The following MED16 variants were observed in gnomAD, a reference collection of about 807,000 sequenced individuals.
MED16 encodes the protein mediator of RNA polymerase II transcription subunit 16.
MED16 carries 81 observed loss-of-function variants against 84.4 expected under a neutral mutation model. The observed-to-expected ratio is 0.96, with a 90% CI of 0.80 to 1.15. The LOEUF (loss-of-function observed/expected upper bound fraction) is 1.15, where lower values mean the gene tolerates loss of function less well. MED16 is among the 50% of genes most tolerant of loss of function. The pLI, the probability that MED16 is intolerant of heterozygous loss-of-function variation, is 0.00. For synonymous variants in MED16, 897 were observed against 552.2 expected, an observed-to-expected ratio of 1.62 and a Z score of -8.76; for missense variants, 1,585 against 1,245.9, an observed-to-expected ratio of 1.27 and a Z score of -4.10.
chr19:868,713 C>T, intron 14 of MED16, 150 bp downstream of exon 14: 1 of 1,071,134 alleles, frequency 9.3e-7, no homozygotes, highest in Non-Finnish European at 1.3e-6. Flanking sequence ...TTAACTGCTC[C>T]ACATCCTGGG....
intron 9 of MED16, among the ~76,000 whole-genome samples, chr19:876,091 C>G (rs927711934): frequency 6.6e-6 from 1 of 152,200 alleles, no homozygotes; most frequent in Non-Finnish European, 1.5e-5. Flanking sequence ...TCGCAGCCCC[C>G]GCCTGGGTCT....
intron 7 of MED16, among the ~76,000 whole-genome samples, chr19:881,090 G>A (rs947369267): frequency 8.5e-5 from 13 of 152,214 alleles, no homozygotes; most frequent in South Asian, 4.1e-4. Context: ...AGGGAAGAAC[G>A]GGAGCTGGGG....
chr19:886,325 T>C (rs2036526838), intron 4 of MED16, 124 bp from the exon 5 acceptor site: 1 of 844,714 alleles, frequency 1.2e-6, no homozygotes, highest in Non-Finnish European at 1.7e-6. Flanking sequence ...TGGGTTCAGA[T>C]CCTGACTCGG....
Position 889,727 on chromosome 19 carries a change from T to G in MED16, c.358A>C (p.Ser120Arg). 1 of 1,613,662 alleles carries G rather than the reference T, an allele frequency of 6.2e-7. No homozygotes were observed. Among genetic ancestry groups the G allele is most frequent in the South Asian group, 1.1e-5 (1 of 91,032 alleles). ...MADHLANSWE[S>R]SVGSLVEGDP... ...CCCTCCACTAGGCTGCCCACTGAGC[T>G]CTCCCAGCTATTAGCCAGGTGGTCC... Residue 120 changes from serine (S) to arginine (R), a missense_variant, in exon 4 of 16, where the codon AGC (serine) becomes CGC (arginine). Transcript: ENST00000325464.
At chr19:887,559 G>A (rs376107227) in intron 4 of MED16, among the ~76,000 whole-genome samples, 15 of 151,568 alleles carry the variant, frequency 9.9e-5, no homozygotes, top group Admixed American at 2.6e-4. Flanking sequence ...CCAGCTACTC[G>A]GGAGGCTGAG....
At chr19:874,567 G>A (rs751153421) in intron 10 of MED16, among the ~76,000 whole-genome samples, 6 of 152,164 alleles carry the variant, frequency 3.9e-5, no homozygotes, top group East Asian at 1.9e-4. Context: ...CAAAACGGAA[G>A]GAGGAGCAGA....
chr19:893,015 G>C (rs146932760), intron 1 of MED16, 71 bp downstream of exon 1: 1 of 152,720 alleles, frequency 6.5e-6, no homozygotes, highest in Non-Finnish European at 1.5e-5. Context: ...GCTGCGCCGC[G>C]TTCCCTCGGG....
rs764612619 is a variant in MED16 at position 876,983 on chromosome 19, G to C, written c.1551C>G (p.Ala517=). The change falls in exon 9 of 16, where the codon GCC becomes GCG. Residue 517 remains alanine (A), a synonymous_variant. Coordinates refer to ENST00000325464, the MANE Select transcript of MED16 (RefSeq NM_005481.3). ...LHEEYTRQTA[A]LQQVLSTRIL... Reference sequence around the variant, plus strand: ...TGCCACGGGCCCCCACCTGCTGCAGGGCAGCGGTCTGGCGCGTGTACTCCT... The same window carrying C: ...TGCCACGGGCCCCCACCTGCTGCAGCGCAGCGGTCTGGCGCGTGTACTCCT... 6.2e-7 allele frequency: 1 copy of C among 1,611,222 alleles called. No individual in the cohort carries two copies.
Position 891,075 on chromosome 19 carries a change from A to G in MED16, c.57T>C (p.Cys19=). 6.2e-7 allele frequency: 1 copy of G among 1,614,098 alleles called. No individual in the cohort carries two copies. Among genetic ancestry groups the G allele is most frequent in the South Asian group, 1.1e-5 (1 of 91,086 alleles). Residue 19 remains cysteine, a synonymous_variant, in exon 2 of 16, where the codon TGT becomes TGC. Transcript: ENST00000325464. ...TGCTCTTGGACCATTTCTCCCACTC[A>G]CAGACGTAGGCCAAGTCCATCATCC... ...AGGMMDLAYV[C]EWEKWSKSTH... is the part of the protein sequence containing the mutation.
chr19:876,233 G>A (rs2036225432), intron 9 of MED16, among the ~76,000 whole-genome samples: 2 of 152,100 alleles, frequency 1.3e-5, no homozygotes, highest in African/African-American at 2.4e-5. Flanking sequence ...GCTGCCGGCT[G>A]AGCTCGTTAG....
In MED16 at chr19:871,148, C is replaced by A. The variant is rs1376216470; in HGVS notation, c.2204G>T (p.Ser735Ile). 1.9e-6 allele frequency: 3 copies of A among 1,548,274 alleles called. No individual in the cohort carries two copies. Among genetic ancestry groups the A allele is most frequent in the Non-Finnish European group, 2.6e-6 (3 of 1,145,600 alleles). The change falls in exon 13 of 16, where the codon AGC becomes ATC. Residue 735 changes from serine to isoleucine, a missense_variant. By Grantham distance (142) the Ser-to-Ile change is moderately radical. Transcript: ENST00000325464. The part of the protein sequence containing the change: ...LIPSLDWLPA[S>I]DGLVSRLQPK... ...CTGCAGGCGGCTAACCAGGCCGTCG[C>A]TGGCTGGCAGCCAGTCCAGGCTGGG...
At chr19:888,989 G>A (rs938556327) in intron 4 of MED16, among the ~76,000 whole-genome samples, 1 of 152,034 alleles carries the variant, frequency 6.6e-6, no homozygotes, top group Non-Finnish European at 1.5e-5. Context: ...ACACACAGAG[G>A]TGAGGAGTCA....
intron 4 of MED16, among the ~76,000 whole-genome samples, chr19:887,195 A>AC (rs1453915230): frequency 6.6e-6 from 1 of 152,160 alleles, no homozygotes; most frequent in Admixed American, 6.5e-5. Context: ...TTAAAAAAAA[A>AC]CACTTCTTAT....
chr19:882,430 G>A (rs1324958643), intron 6 of MED16, among the ~76,000 whole-genome samples: 1 of 152,200 alleles, frequency 6.6e-6, no homozygotes, highest in Non-Finnish European at 1.5e-5. Context: ...AGGAGGCTGA[G>A]GTAGGATTGC....
intron 7 of MED16, among the ~76,000 whole-genome samples, chr19:881,089 C>T (rs772883168): frequency 3.2e-4 from 49 of 152,034 alleles, no homozygotes; most frequent in Non-Finnish European, 5.3e-4. Flanking sequence ...CAGGGAAGAA[C>T]GGGAGCTGGG....
intron 10 of MED16, among the ~76,000 whole-genome samples, chr19:874,901 A>G (rs1188979584): frequency 6.6e-6 from 1 of 152,096 alleles, no homozygotes; most frequent in East Asian, 1.9e-4. Context: ...CCCAGCCTTT[A>G]GGCTATATCC....
At position 873,234 on chromosome 19, in the gene MED16, C is replaced by T. The variant is rs150679084; in HGVS notation, c.1905+215G>A. On this transcript the variant is annotated intron_variant, in intron 11 of 15. Coordinates refer to ENST00000325464, the MANE Select transcript of MED16 (RefSeq NM_005481.3). ...GAAGAGACAGACTCAGGAAGTGGGA[C>T]TCCAAGTAGGGGTGGGACTCCAACC... Among the ~76,000 whole-genome samples, 356 of 142,764 alleles carry T rather than the reference C, an allele frequency of 2.5e-3. 9 individuals are homozygous for T. The East Asian group carries it at 0.033, about 13-fold the overall frequency. 93.7% of individuals were successfully genotyped at this position (142,764 alleles called of 152,430 possible).
Position 875,299 on chromosome 19 carries a change from AGGCG to A in MED16, c.1712_1715del (p.Thr571MetfsTer9), listed in dbSNP as rs1599324400. On this transcript the variant is annotated frameshift_variant, in exon 10 of 16. Transcript: ENST00000325464. LOFTEE classifies it high-confidence loss of function. ...TCAGCCGGTCGCCGGGGCTCTTGTC[AGGCG>A]TGTTGAGAAAGTGGGGGCGCAGCAG... 6.2e-7 allele frequency: 1 copy of A among 1,610,716 alleles called. No individual in the cohort carries two copies. Among genetic ancestry groups the A allele is most frequent in the Non-Finnish European group, 8.5e-7 (1 of 1,179,554 alleles).
At position 880,086 on chromosome 19, in the gene MED16, T is replaced by C. The variant is rs749834271; in HGVS notation, c.1204A>G (p.Met402Val). The C allele has an allele frequency of 3.1e-6, 5 of 1,610,904 alleles. No individual in the cohort carries two copies. The highest frequency in any genetic ancestry group is 1.7e-5 in the Admixed American group (1 of 59,936). ...GCCGCGGAGCTGTAGAAGACGGCCA[T>C]GGTCTGCAGTGAGAGCCGGTGCACG... is the stretch of plus-strand genomic sequence containing the variant. ...HIVHRLSLQT[M>V]AVFYSSAAPR... The change falls in exon 8 of 16, where the codon ATG (methionine) becomes GTG (valine). Residue 402 changes from methionine to valine, a missense_variant. By Grantham distance (21) the Met-to-Val change is conservative. Transcript: ENST00000325464.
Sources: allele counts gnomAD v4.1 joint callset (sites outside exome capture counted in the v4.1 genomes callset), GRCh38; gene constraint gnomAD v4.1.1; transcripts MANE v1.5; gene names NCBI Gene and HGNC (gene_info 2026-07-23, HGNC 2026-07-21).